Variants in SLC44A5 observed in about 807,000 individuals in gnomAD.
SLC44A5 encodes the protein solute carrier family 44 member 5.
Under a neutral mutation model 101.8 loss-of-function variants are expected in SLC44A5, and 57 were observed. The observed-to-expected ratio is 0.56, with a 90% CI of 0.45 to 0.70. The LOEUF (loss-of-function observed/expected upper bound fraction) is 0.70. SLC44A5 is among the 30% of genes least tolerant of loss of function. The probability of loss-of-function intolerance (pLI) is 0.00; values close to 1 mark genes in which losing one functional copy is unlikely to be tolerated. For missense variants in SLC44A5, 737 were observed against 853.1 expected (o/e 0.86, Z 1.70); for synonymous variants, 281 against 290.9 (o/e 0.97, Z 0.35).
At chr1:75,231,927 G>A (rs1557553190) in intron 12 of SLC44A5, among the ~76,000 whole-genome samples, 1 of 152,112 alleles carries the variant, frequency 6.6e-6, no homozygotes, top group South Asian at 2.1e-4. Context: ...TCTCTGCTCA[G>A]TATGACACAT....
At chr1:75,420,212 A>T (rs1288549968) in intron 2 of SLC44A5, among the ~76,000 whole-genome samples, 2 of 152,096 alleles carry the variant, frequency 1.3e-5, no homozygotes, top group African/African-American at 4.8e-5. Context: ...CAGCCTCCAG[A>T]ACTGTGAGAA....
the SLC44A5 span, chr1:75,642,125 A>T: frequency 1.0e-6 from 1 of 1,003,714 alleles, no homozygotes; most frequent in Non-Finnish European, 1.5e-6. Flanking sequence ...TTGAAGTGAT[A>T]TATATTAAAA....
At chr1:75,413,410 C>T (rs1415554505) in intron 2 of SLC44A5, among the ~76,000 whole-genome samples, 1 of 152,084 alleles carries the variant, frequency 6.6e-6, no homozygotes, top group African/African-American at 2.4e-5. Context: ...ATTCTTGAGC[C>T]AACCACAGGA....
At chr1:75,476,927 C>G (rs1338556286) in intron 2 of SLC44A5, among the ~76,000 whole-genome samples, 1 of 152,262 alleles carries the variant, frequency 6.6e-6, no homozygotes, top group Non-Finnish European at 1.5e-5. Context: ...AGCTGGAGAT[C>G]TGAGAATGGG....
At chr1:75,463,218 G>A (rs532152213) in intron 2 of SLC44A5, among the ~76,000 whole-genome samples, 4 of 152,166 alleles carry the variant, frequency 2.6e-5, no homozygotes, top group African/African-American at 7.2e-5. Context: ...TCAGGAGATC[G>A]AGACCATCTT....
chr1:75,670,626 A>G, the SLC44A5 span, among the ~76,000 whole-genome samples: 1 of 152,242 alleles, frequency 6.6e-6, no homozygotes, highest in Non-Finnish European at 1.5e-5. Flanking sequence ...ACTGGAGAAG[A>G]AGGTGGGTAA....
At chr1:75,513,825 T>C (rs1249135699) in intron 2 of SLC44A5, among the ~76,000 whole-genome samples, 1 of 152,206 alleles carries the variant, frequency 6.6e-6, no homozygotes, top group Non-Finnish European at 1.5e-5. Context: ...CAATGCTATA[T>C]AAAGGACTGC....
intron 1 of SLC44A5, among the ~76,000 whole-genome samples, chr1:75,603,699 G>T (rs1001277527): frequency 7.9e-6 from 1 of 127,032 alleles, no homozygotes; most frequent in East Asian, 2.3e-4. Context: ...ATGGTATCTC[G>T]TGATTTTTGA....
the SLC44A5 span, among the ~76,000 whole-genome samples, chr1:75,686,880 A>T: frequency 6.6e-6 from 1 of 152,162 alleles, no homozygotes; most frequent in South Asian, 2.1e-4. Context: ...CAATAGAGTA[A>T]ATTGGACTTG....
the SLC44A5 span, among the ~76,000 whole-genome samples, chr1:75,651,571 T>C: frequency 2.0e-5 from 3 of 151,450 alleles, no homozygotes; most frequent in African/African-American, 7.3e-5. Context: ...GTGGTGGGTG[T>C]CTGTAGTCCC....
intron 2 of SLC44A5, among the ~76,000 whole-genome samples, chr1:75,539,755 G>A (rs1279883996): frequency 6.6e-6 from 1 of 152,130 alleles, no homozygotes; most frequent in Non-Finnish European, 1.5e-5. Context: ...GACAATAAAT[G>A]GAGGCCAACA....
intron 1 of SLC44A5, among the ~76,000 whole-genome samples, chr1:75,610,678 C>T (rs1226083890): frequency 6.6e-6 from 1 of 151,820 alleles, no homozygotes; most frequent in African/African-American, 2.4e-5. Context: ...GTAAGGATTC[C>T]TAGAGATGTT....
chr1:75,609,659 G>C (rs1266263110), intron 1 of SLC44A5, among the ~76,000 whole-genome samples: 1 of 152,028 alleles, frequency 6.6e-6, no homozygotes, highest in Non-Finnish European at 1.5e-5. Context: ...GAGAAAGCAA[G>C]CTGCTACAAG....
In SLC44A5 at chr1:75,445,293, C is replaced by T. The variant is rs182833047; in HGVS notation, c.14-48672G>A. ...CTTCTCTTGCCATGTGACACGCCTG[C>T]TCCCCTTGTGTCTTCTGCCATGAGT... On this transcript the variant is annotated intron_variant, in intron 2 of 23. Coordinates refer to ENST00000370859, the MANE Select transcript of SLC44A5 (RefSeq NM_001130058.2). Among the ~76,000 whole-genome samples the T allele has an allele frequency of 5.3e-5, 8 of 152,064 alleles. No individual in the cohort carries two copies. The East Asian group carries it at 1.6e-3, about 30-fold the overall frequency.
At chr1:75,614,907 A>G (rs886165152), upstream of SLC44A5, among the ~76,000 whole-genome samples, 5 of 151,868 alleles carry the variant, frequency 3.3e-5, no homozygotes, top group African/African-American at 1.2e-4. Context: ...CGAGTCCCCC[A>G]GCGAGAGCTA....
chr1:75,590,083 C>G (rs1674262459), intron 1 of SLC44A5, among the ~76,000 whole-genome samples: 1 of 151,998 alleles, frequency 6.6e-6, no homozygotes, highest in African/African-American at 2.4e-5. Context: ...ACTGAGACAC[C>G]AGCTGGGGTA....
At chr1:75,677,834 A>G in the SLC44A5 span, 1 of 388,834 alleles carries the variant, frequency 2.6e-6, no homozygotes, top group Non-Finnish European at 4.9e-6. Context: ...TGATTTCTGC[A>G]TTTCCATCTG....
At chr1:75,402,766 C>T (rs575290157) in intron 2 of SLC44A5, among the ~76,000 whole-genome samples, 24 of 152,032 alleles carry the variant, frequency 1.6e-4, no homozygotes, top group African/African-American at 1.7e-4. Flanking sequence ...GAAAACTAGG[C>T]GCTGTTTGGG....
At chr1:75,662,864 T>A in the SLC44A5 span, among the ~76,000 whole-genome samples, 1 of 152,108 alleles carries the variant, frequency 6.6e-6, no homozygotes, top group Non-Finnish European at 1.5e-5. Context: ...TTTCACATCC[T>A]TTCATATAGT....
Sources: gnomAD v4.1 joint callset for allele counts (sites outside exome capture counted in the v4.1 genomes callset) on GRCh38, gnomAD v4.1.1 for gene constraint, MANE v1.5 for transcripts, NCBI Gene and HGNC (gene_info 2026-07-23, HGNC 2026-07-21) for gene names.